ATP9B: variants seen among roughly 807,000 people sequenced by gnomAD.
ATP9B encodes probable phospholipid-transporting ATPase IIB.
Under a neutral mutation model 146.1 loss-of-function variants are expected in ATP9B, and 110 were observed. That is an observed-to-expected ratio of 0.75 (90% CI 0.65 to 0.88). ATP9B has a LOEUF of 0.88. ATP9B is among the 40% of genes least tolerant of loss of function. The pLI, the probability that ATP9B is intolerant of heterozygous loss-of-function variation, is 0.00. For missense variants in ATP9B, 1,499 were observed against 1,496.4 expected (o/e 1.00, Z -0.03); for synonymous variants, 604 against 569.7 (o/e 1.06, Z -0.86).
Position 79,110,577 on chromosome 18 carries a change from C to T in ATP9B, c.444+72C>T, listed in dbSNP as rs2075941626. 10 of 1,416,516 alleles carry T rather than the reference C, an allele frequency of 7.1e-6. No homozygotes were observed. In the South Asian group the frequency reaches 1.3e-4, roughly 19 times the overall value. 87.7% of individuals were successfully genotyped at this position (1,416,516 alleles called of 1,614,324 possible). ...TGGCTTCCTTTGCTATAGGATGGAG[C>T]CTGTTGAGACTCTGACTTAGGTATT... On this transcript the variant is annotated intron_variant, in intron 3 of 29. Coordinates refer to ENST00000426216, the MANE Select transcript of ATP9B (RefSeq NM_198531.5).
chr18:79,308,551 C>A (rs115170911), intron 15 of ATP9B, among the ~76,000 whole-genome samples: 372 of 152,330 alleles, frequency 2.4e-3, no homozygotes, highest in African/African-American at 8.7e-3. Context: ...AGAAGGCAAC[C>A]TGCATGCCTG....
intron 5 of ATP9B, among the ~76,000 whole-genome samples, chr18:79,134,839 T>C (rs1248617239): frequency 6.6e-6 from 1 of 152,242 alleles, no homozygotes; most frequent in Non-Finnish European, 1.5e-5. Context: ...AATTTTTATA[T>C]AATTTAAATA....
intron 5 of ATP9B, among the ~76,000 whole-genome samples, chr18:79,138,492 TAAACGATATGCCTC>T (rs2094473458): frequency 6.6e-6 from 1 of 152,182 alleles, no homozygotes; most frequent in South Asian, 2.1e-4. Flanking sequence ...TTTACTTACT[TAAACGATATGCCTC>T]AAACTCTACA....
intron 25 of ATP9B, among the ~76,000 whole-genome samples, chr18:79,355,995 G>C (rs993410423): frequency 2.0e-5 from 3 of 152,200 alleles, no homozygotes; most frequent in African/African-American, 7.2e-5. Flanking sequence ...AAAGGAAAGG[G>C]GGTGTTGGCA....
chr18:79,140,318 A>G (rs1435699460), intron 5 of ATP9B, among the ~76,000 whole-genome samples: 1 of 152,160 alleles, frequency 6.6e-6, no homozygotes, highest in Non-Finnish European at 1.5e-5. Context: ...AATAATTATC[A>G]TCGAATGGAA....
intron 25 of ATP9B, among the ~76,000 whole-genome samples, chr18:79,350,925 C>T (rs12964786): frequency 0.39 from 58,667 of 151,866 alleles, 11,538 homozygotes; most frequent in Middle Eastern, 0.54. Context: ...TGTGCTACCA[C>T]GCCCAGCTAA....
At chr18:79,193,718 G>C (rs2095391326) in intron 9 of ATP9B, among the ~76,000 whole-genome samples, 1 of 152,076 alleles carries the variant, frequency 6.6e-6, no homozygotes, top group Non-Finnish European at 1.5e-5. Flanking sequence ...TGTTAAAGCT[G>C]GAAGCACCTT....
At chr18:79,092,640 C>CTTT (rs145337759) in intron 1 of ATP9B, among the ~76,000 whole-genome samples, 6,967 of 117,966 alleles carry the variant, frequency 0.059, 278 homozygotes, top group Non-Finnish European at 0.092. Flanking sequence ...TTTACTTAAA[C>CTTT]TTTTTTTTTT....
intron 1 of ATP9B, among the ~76,000 whole-genome samples, chr18:79,090,353 T>C (rs778278350): frequency 6.6e-6 from 1 of 152,232 alleles, no homozygotes; most frequent in Non-Finnish European, 1.5e-5. Flanking sequence ...TTTCAAACTG[T>C]TCTCCACAGT....
intron 26 of ATP9B, chr18:79,364,078 T>A (rs929191326): frequency 6.6e-5 from 10 of 152,186 alleles, no homozygotes; most frequent in Admixed American, 5.9e-4. Flanking sequence ...CCATCCTGGC[T>A]AACACGGTGA....
intron 8 of ATP9B, among the ~76,000 whole-genome samples, chr18:79,189,499 CTGT>C (rs1284796655): frequency 2.0e-5 from 3 of 152,166 alleles, no homozygotes; most frequent in Non-Finnish European, 4.4e-5. Context: ...CCAAATTTAA[CTGT>C]TAATAGCCTA....
intron 25 of ATP9B, chr18:79,352,516 C>G (rs1037803014): frequency 2.0e-5 from 3 of 152,210 alleles, no homozygotes; most frequent in Non-Finnish European, 4.4e-5. Flanking sequence ...GGATAAGAAG[C>G]TGGGGACAGG....
At chr18:79,215,121 C>G (rs2095615548) in intron 11 of ATP9B, among the ~76,000 whole-genome samples, 1 of 137,644 alleles carries the variant, frequency 7.3e-6, no homozygotes, top group South Asian at 2.3e-4. Flanking sequence ...GCACTCCAGC[C>G]TGGGCAACAG....
intron 14 of ATP9B, 132 bp downstream of exon 14, chr18:79,303,848 G>C (rs759627346): frequency 1.8e-6 from 1 of 565,810 alleles, no homozygotes; most frequent in Non-Finnish European, 3.1e-6. Context: ...TACTTCAGTC[G>C]TCTGTTCGAA....
intron 4 of ATP9B, among the ~76,000 whole-genome samples, chr18:79,120,301 A>C (rs2147117352): frequency 6.6e-6 from 1 of 152,344 alleles, no homozygotes; most frequent in East Asian, 1.9e-4. Context: ...CTGAGGCATA[A>C]AACCATTTTA....
chr18:79,176,842 G>C lies in ATP9B; in HGVS notation c.808G>C (p.Asp270His). 1 of 1,614,102 alleles carries C rather than the reference G, an allele frequency of 6.2e-7. No homozygotes were observed. Among genetic ancestry groups the C allele is most frequent in the African/African-American group, 1.3e-5 (1 of 75,010 alleles). ...GTGTTTTATTCGAACTGATCAACTA[G>C]ATGGTGAAACTGACTGGAAGCTGAA... ...GSCFIRTDQLDGETDWKLKVA... is the reference protein window; with the variant it reads ...GSCFIRTDQLHGETDWKLKVA... Residue 270 changes from aspartate (D) to histidine (H), a missense_variant, in exon 8 of 30, where the codon GAT (aspartate) becomes CAT (histidine). Physicochemically the swap from Asp to His is moderately conservative, Grantham distance 81. Coordinates refer to ENST00000426216, the MANE Select transcript of ATP9B (RefSeq NM_198531.5).
chr18:79,133,930 G>A (rs557950680), intron 5 of ATP9B, among the ~76,000 whole-genome samples: 12 of 152,340 alleles, frequency 7.9e-5, no homozygotes, highest in South Asian at 2.1e-4. Flanking sequence ...TCTTCTGTCC[G>A]AAGTGGGAAA....
chr18:79,283,998 C>T (rs554769857), intron 13 of ATP9B, among the ~76,000 whole-genome samples: 1 of 152,284 alleles, frequency 6.6e-6, no homozygotes, highest in Non-Finnish European at 1.5e-5. Flanking sequence ...TAAAAACACC[C>T]ACTAAAACAA....
At chr18:79,163,090 C>T (rs2094908725) in intron 7 of ATP9B, among the ~76,000 whole-genome samples, 4 of 152,132 alleles carry the variant, frequency 2.6e-5, no homozygotes, top group South Asian at 2.1e-4. Context: ...TCAGTTTTAG[C>T]GAGTGCTTTC....
Sources: allele counts gnomAD v4.1 joint callset (sites outside exome capture counted in the v4.1 genomes callset), GRCh38; gene constraint gnomAD v4.1.1; transcripts MANE v1.5; gene names NCBI Gene and HGNC (gene_info 2026-07-23, HGNC 2026-07-21).